The following CCNT2 variants were observed in gnomAD, a reference collection of about 807,000 sequenced individuals.
The protein encoded by CCNT2 is cyclin T2.
Under a neutral mutation model 70.0 loss-of-function variants are expected in CCNT2, and 18 were observed. That is an observed-to-expected ratio of 0.26 (90% confidence interval 0.18 to 0.38). The LOEUF (loss-of-function observed/expected upper bound fraction) is 0.38, where lower values mean the gene tolerates loss of function less well. Among genes scored for constraint, CCNT2 ranks in the 10% least tolerant of loss-of-function variants. CCNT2 has a pLI of 1.00. For synonymous variants in CCNT2, 334 were observed against 313.3 expected, an observed-to-expected ratio of 1.07 and a Z score of -0.70; for missense variants, 734 against 890.2, an observed-to-expected ratio of 0.82 and a Z score of 2.23.
In CCNT2 at chr2:134,953,489, T is replaced by A; in HGVS notation, c.1034T>A (p.Leu345Ter). 1 of 1,614,212 alleles carries A rather than the reference T, an allele frequency of 6.2e-7. No individual in the cohort carries two copies. Among genetic ancestry groups the A allele is most frequent in the Non-Finnish European group, 8.5e-7 (1 of 1,180,036 alleles). The change falls in exon 9 of 9, where the codon TTA becomes TAA. Residue 345 changes from leucine to a stop codon, truncating the protein, a stop_gained. Coordinates refer to ENST00000264157, the MANE Select transcript of CCNT2 (RefSeq NM_058241.3). LOFTEE classifies it high-confidence loss of function. The stretch of plus-strand genomic sequence containing the variant: ...GGAATGCCAAGTACTTCATACGGTT[T>A]ATCATCACACCAGGAATGGCCTCAA... ...ATGMPSTSYG[L>*]SSHQEWPQHQ...
chr2:134,954,377 C>G lies in CCNT2; in HGVS notation c.1922C>G (p.Ser641Ter). 1 of 1,614,176 alleles carries G rather than the reference C, an allele frequency of 6.2e-7. No homozygotes were observed. Among genetic ancestry groups the G allele is most frequent in the Non-Finnish European group, 8.5e-7 (1 of 1,180,010 alleles). ...HSKMSKSSKS[S>*]GSSSSSSSSV... The stretch of plus-strand genomic sequence containing the variant: ...AAAATGAGCAAAAGTTCCAAAAGTT[C>G]AGGTAGTTCATCTAGTTCTTCCTCC... Residue 641 changes from serine (S) to a stop codon, truncating the protein, a stop_gained, in exon 9 of 9, where the codon TCA becomes TGA. Transcript: ENST00000264157. LOFTEE classifies it high-confidence loss of function.
chr2:134,944,854 G>A (rs1226030945), intron 5 of CCNT2: 6 of 985,094 alleles, frequency 6.1e-6, no homozygotes, highest in Non-Finnish European at 7.2e-6. Flanking sequence ...TTAGATACAT[G>A]CCTAGGTGAA....
chr2:134,953,792 A>C lies in CCNT2; in HGVS notation c.1337A>C (p.Glu446Ala). 6.2e-7 allele frequency: 1 copy of C among 1,614,060 alleles called. No individual in the cohort carries two copies. The highest frequency in any genetic ancestry group is 8.5e-7 in the Non-Finnish European group (1 of 1,179,938). Reference protein sequence around the residue: ...LDKYREKRKLETLDLDVRDHY... With the variant: ...LDKYREKRKLATLDLDVRDHY... ...AAATATAGAGAAAAGCGTAAACTAG[A>C]AACTCTTGATCTCGATGTAAGGGAT... Residue 446 changes from glutamate to alanine, a missense_variant, in exon 9 of 9, where the codon GAA (glutamate) becomes GCA (alanine). This residue lies in a region of CCNT2 where 532 missense variants were observed against 556.9 expected (regional missense o/e 0.96). Transcript: ENST00000264157.
chr2:134,922,748 A>G (rs1680006521), intron 2 of CCNT2, among the ~76,000 whole-genome samples: 1 of 152,176 alleles, frequency 6.6e-6, no homozygotes, highest in South Asian at 2.1e-4. Context: ...ATATTGACCC[A>G]GCTTCTCTTA....
chr2:134,946,908 G>T (rs550855406), intron 6 of CCNT2, among the ~76,000 whole-genome samples: 1 of 152,016 alleles, frequency 6.6e-6, no homozygotes, highest in South Asian at 2.1e-4. Flanking sequence ...GCTTTGTATG[G>T]TCCCTAATTT....
rs146461929 is a variant in CCNT2 at position 134,954,076 on chromosome 2, G to A, written c.1621G>A (p.Gly541Ser). 1.9e-6 allele frequency: 3 copies of A among 1,613,974 alleles called. No individual in the cohort carries two copies. The highest frequency in any genetic ancestry group is 2.7e-5 in the African/African-American group (2 of 74,902). The change falls in exon 9 of 9, where the codon GGC becomes AGC. Residue 541 changes from glycine to serine, a missense_variant. Gly to Ser is a moderately conservative substitution (Grantham distance 56). Around this residue, in one of 3 missense-constraint regions of CCNT2, gnomAD observed 532 missense variants for 556.9 expected, o/e 0.96. Coordinates refer to ENST00000264157, the MANE Select transcript of CCNT2 (RefSeq NM_058241.3). ...SSERHSSSDE[G>S]SGKSKHSSPH... Reference sequence around the variant, plus strand: ...AGAAAGACACAGCTCTTCTGATGAAGGCAGTGGGAAGAGCAAACATTCAAG... The same window carrying A: ...AGAAAGACACAGCTCTTCTGATGAAAGCAGTGGGAAGAGCAAACATTCAAG...
rs1237279879 is a variant in CCNT2, at chr2:134,944,793, C to A, written c.494-1308C>A. 6.1e-6 allele frequency: 6 copies of A among 985,252 alleles called. No homozygotes were observed. The East Asian group carries it at 6.8e-4, about 112-fold the overall frequency. 61.0% of individuals were successfully genotyped at this position (985,252 alleles called of 1,614,324 possible). A position where few individuals can be genotyped will look rare whatever the true frequency, so the allele number is the denominator to read the frequency against. On this transcript the variant is annotated intron_variant, in intron 5 of 8. Transcript: ENST00000264157. ...CTCTTTTACAACTTTTAGCTAACAGCATTTCCCCTCTATTCTCTGTTGCAC... is the reference window on the plus strand; with the variant it reads ...CTCTTTTACAACTTTTAGCTAACAGAATTTCCCCTCTATTCTCTGTTGCAC...
chr2:134,922,542 A>G (rs989957464), intron 2 of CCNT2, among the ~76,000 whole-genome samples: 7 of 152,090 alleles, frequency 4.6e-5, no homozygotes, highest in Non-Finnish European at 1.0e-4. Context: ...TGACTTTTAT[A>G]TGTAGCCTAA....
intron 5 of CCNT2, chr2:134,945,785 AG>A: frequency 1.5e-6 from 2 of 1,358,360 alleles, no homozygotes; most frequent in Non-Finnish European, 1.9e-6. Flanking sequence ...TTTTAAATCC[AG>A]GAGAATGCTT....
In CCNT2 at chr2:134,954,133, C is replaced by T; in HGVS notation, c.1678C>T (p.His560Tyr). ...TATTAGCAGAGACCATAAGGAGAAG[C>T]ACAAGGAGCATCCTTCAAGCCGCCA... is the stretch of plus-strand genomic sequence containing the variant. Reference protein sequence around the residue: ...PHISRDHKEKHKEHPSSRHHT... With the variant: ...PHISRDHKEKYKEHPSSRHHT... The change falls in exon 9 of 9, where the codon CAC (histidine) becomes TAC (tyrosine). Residue 560 changes from histidine to tyrosine, a missense_variant. Around this residue, in one of 3 missense-constraint regions of CCNT2, gnomAD observed 532 missense variants for 556.9 expected, o/e 0.96. Coordinates refer to ENST00000264157, the MANE Select transcript of CCNT2 (RefSeq NM_058241.3). The T allele has an allele frequency of 6.2e-7, 1 of 1,614,114 alleles. No individual in the cohort carries two copies. The highest frequency in any genetic ancestry group is 8.5e-7 in the Non-Finnish European group (1 of 1,180,012).
intron 5 of CCNT2, chr2:134,945,052 A>G: frequency 1.0e-6 from 1 of 985,310 alleles, no homozygotes; most frequent in Non-Finnish European, 1.2e-6. Flanking sequence ...CACTTCTGTG[A>G]TTTCTCCTTC....
chr2:134,940,974 C>T (rs1193984274), intron 4 of CCNT2, among the ~76,000 whole-genome samples: 2 of 152,178 alleles, frequency 1.3e-5, no homozygotes, highest in East Asian at 1.9e-4. Flanking sequence ...GTGAAGTCAT[C>T]GCTGCAGCTA....
chr2:134,936,627 C>T (rs1000034825), intron 2 of CCNT2, among the ~76,000 whole-genome samples: 1 of 151,960 alleles, frequency 6.6e-6, no homozygotes, highest in Non-Finnish European at 1.5e-5. Flanking sequence ...GTGGTGCATG[C>T]CTGTAATCCC....
chr2:134,943,536 T>C (rs1010443451), intron 5 of CCNT2: 1 of 985,140 alleles, frequency 1.0e-6, no homozygotes, highest in Non-Finnish European at 1.2e-6. Context: ...GAGAAATAAT[T>C]ATAGAGCATA....
chr2:134,939,489 G>C (rs568426987), intron 4 of CCNT2, among the ~76,000 whole-genome samples: 1 of 151,064 alleles, frequency 6.6e-6, no homozygotes, highest in African/African-American at 2.4e-5. Flanking sequence ...TTTTTAAGAC[G>C]GAGTCTCGCT....
At chr2:134,952,521 A>G (rs1299544274) in intron 7 of CCNT2, 120 bp from the exon 8 acceptor site, 1 of 564,606 alleles carries the variant, frequency 1.8e-6, no homozygotes, top group African/African-American at 1.9e-5. Context: ...CTGAGGATTT[A>G]ATAGGAGGGT....
At chr2:134,943,466 G>C in intron 5 of CCNT2, 1 of 985,184 alleles carries the variant, frequency 1.0e-6, no homozygotes, top group Middle Eastern at 5.2e-4. Context: ...ATCTAAAATT[G>C]ATTTAATGTA....
chr2:134,931,058 G>A (rs1037805574), intron 2 of CCNT2, among the ~76,000 whole-genome samples: 1 of 151,216 alleles, frequency 6.6e-6, no homozygotes, highest in Non-Finnish European at 1.5e-5. Flanking sequence ...CACCTCCCAA[G>A]TTCACGCCAT....
At position 134,956,471 on chromosome 2, in the gene CCNT2, T is replaced by C. The variant is rs1343049779; in HGVS notation, c.*1823T>C. 6.6e-6 allele frequency: 1 copy of C among 152,412 alleles called. No homozygotes were observed. Among genetic ancestry groups the C allele is most frequent in the Non-Finnish European group, 1.5e-5 (1 of 68,004 alleles). The allele number at this position is 152,412 out of a possible 1,614,324, so 9.4% of individuals were successfully genotyped here. The stretch of plus-strand genomic sequence containing the variant: ...CTTTGTTGCTCTGTATGGCATAATA[T>C]TGTATCCATAAACATGGTAATTTTG... On this transcript the variant is annotated 3_prime_UTR_variant, in exon 9 of 9. Transcript: ENST00000264157.
Sources: allele counts gnomAD v4.1 joint callset (sites outside exome capture counted in the v4.1 genomes callset), GRCh38; gene constraint gnomAD v4.1.1; regional missense constraint gnomAD v4.1.1; transcripts MANE v1.5; gene names NCBI Gene and HGNC (gene_info 2026-07-23, HGNC 2026-07-21).